Variants in COL23A1 observed in about 807,000 individuals in gnomAD.
COL23A1 encodes collagen alpha-1(XXIII) chain.
In COL23A1, 97 loss-of-function variants were observed where a neutral mutation model predicts 99.3. That is an observed-to-expected ratio of 0.98 (90% CI 0.83 to 1.16). The LOEUF (loss-of-function observed/expected upper bound fraction) is 1.16, where lower values mean the gene tolerates loss of function less well. COL23A1 is among the 50% of genes most tolerant of loss of function. The pLI is 0.00. For missense variants in COL23A1, 762 were observed against 757.4 expected (o/e 1.01, Z -0.07); for synonymous variants, 320 against 308.2 (o/e 1.04, Z -0.40).
rs567224864 is a variant in COL23A1 at position 178,310,554 on chromosome 5, G to C, written c.362-3635C>G. 2.0e-5 allele frequency among the ~76,000 whole-genome samples: 3 copies of C among 152,332 alleles called. No homozygotes were observed. Among genetic ancestry groups the C allele is most frequent in the South Asian group, 4.1e-4 (2 of 4,830 alleles). On this transcript the variant is annotated intron_variant, in intron 2 of 28. Coordinates refer to ENST00000390654, the MANE Select transcript of COL23A1 (RefSeq NM_173465.4). The surrounding 1 kb of genome is among the most constrained non-coding windows in gnomAD (Gnocchi z 4.3). ...GGGCCCACCTAAGGCTGTGTTGCTAGAGCCTCCTGGAGCCCTTCATAGTCT... is the reference window on the plus strand; with the variant it reads ...GGGCCCACCTAAGGCTGTGTTGCTACAGCCTCCTGGAGCCCTTCATAGTCT...
chr5:178,520,316 C>A (rs1031284253), intron 2 of COL23A1, among the ~76,000 whole-genome samples: 6 of 152,210 alleles, frequency 3.9e-5, no homozygotes, highest in African/African-American at 1.4e-4. Flanking sequence ...TCATTGGTTC[C>A]CCAACTGTAC....
intron 24 of COL23A1, 86 bp from the exon 25 acceptor site, chr5:178,246,054 C>A: frequency 6.6e-7 from 1 of 1,510,888 alleles, no homozygotes; most frequent in Non-Finnish European, 9.2e-7. Flanking sequence ...TGTGGGTTGG[C>A]CACAGACATG....
chr5:178,457,068 C>T (rs1382875721), intron 2 of COL23A1, among the ~76,000 whole-genome samples: 1 of 152,154 alleles, frequency 6.6e-6, no homozygotes, highest in Non-Finnish European at 1.5e-5. Context: ...CCATGCACAC[C>T]TTGTTCCAAA....
chr5:178,261,182 G>A (rs1234935652), intron 11 of COL23A1, among the ~76,000 whole-genome samples: 4 of 152,292 alleles, frequency 2.6e-5, no homozygotes, highest in Non-Finnish European at 5.9e-5. Flanking sequence ...GGAGGCTGAG[G>A]TGGGAGGATA....
intron 2 of COL23A1, among the ~76,000 whole-genome samples, chr5:178,413,706 T>C (rs552422149): frequency 2.0e-5 from 3 of 152,304 alleles, no homozygotes; most frequent in South Asian, 2.1e-4. Flanking sequence ...TTGGGGTAAC[T>C]GGGAAGGTCT....
chr5:178,253,217 C>T (rs1333641846), intron 16 of COL23A1, among the ~76,000 whole-genome samples: 8 of 152,090 alleles, frequency 5.3e-5, no homozygotes, highest in Non-Finnish European at 8.8e-5. Context: ...TCCTCCCCTC[C>T]CTTCTGAAAA....
At chr5:178,319,419 A>G (rs1759161926) in intron 2 of COL23A1, among the ~76,000 whole-genome samples, 2 of 152,124 alleles carry the variant, frequency 1.3e-5, no homozygotes, top group Non-Finnish European at 2.9e-5. Flanking sequence ...TAAACTTAAA[A>G]GGTCATTCGT....
intron 2 of COL23A1, among the ~76,000 whole-genome samples, chr5:178,551,354 T>C (rs908073678): frequency 4.6e-5 from 7 of 152,046 alleles, no homozygotes; most frequent in South Asian, 2.1e-4. Flanking sequence ...CATTTTATAA[T>C]TGATAGACTC....
chr5:178,467,369 C>T (rs1361346042), intron 2 of COL23A1, among the ~76,000 whole-genome samples: 4 of 152,212 alleles, frequency 2.6e-5, no homozygotes, highest in Non-Finnish European at 1.5e-5. Flanking sequence ...GACAAACGCT[C>T]CCTGACTCTG....
At chr5:178,578,081 A>G (rs1763475969) in intron 1 of COL23A1, among the ~76,000 whole-genome samples, 1 of 151,358 alleles carries the variant, frequency 6.6e-6, no homozygotes, top group Admixed American at 6.6e-5. Context: ...ACACTCATGC[A>G]CACACACATG....
chr5:178,397,985 CAA>C (rs972050110), intron 2 of COL23A1, among the ~76,000 whole-genome samples: 4 of 142,242 alleles, frequency 2.8e-5, no homozygotes. Context: ...GACTTCATGT[CAA>C]AAAAAAAAAA....
intron 2 of COL23A1, among the ~76,000 whole-genome samples, chr5:178,435,025 C>T (rs977061494): frequency 2.0e-5 from 3 of 152,340 alleles, no homozygotes; most frequent in South Asian, 2.1e-4. Flanking sequence ...CAGCCAGCAC[C>T]GGATGCAGGC....
In COL23A1 at chr5:178,313,834, G is replaced by C. The variant is rs912667910; in HGVS notation, c.362-6915C>G. ...TGGGGCTTCAGGGCCATCAGGGGGT[G>C]CACCTTGAGCAGAGAAGGCAAGCGA... On this transcript the variant is annotated intron_variant, in intron 2 of 28. Coordinates refer to ENST00000390654, the MANE Select transcript of COL23A1 (RefSeq NM_173465.4). This position sits in a 1 kb window ranked among gnomAD's most constrained non-coding sequence, Gnocchi z 4.2. Among the ~76,000 whole-genome samples the C allele has an allele frequency of 9.2e-5, 14 of 152,128 alleles. No homozygotes were observed. Among genetic ancestry groups the C allele is most frequent in the African/African-American group, 3.4e-4 (14 of 41,404 alleles).
intron 2 of COL23A1, among the ~76,000 whole-genome samples, chr5:178,519,168 G>T (rs1204422756): frequency 6.6e-6 from 1 of 152,228 alleles, no homozygotes; most frequent in East Asian, 1.9e-4. Context: ...CTTGTAGTCT[G>T]CAGTCCTTTT....
At chr5:178,285,089 T>G (rs1465180679) in intron 5 of COL23A1, among the ~76,000 whole-genome samples, 1 of 152,214 alleles carries the variant, frequency 6.6e-6, no homozygotes, top group East Asian at 1.9e-4. Flanking sequence ...ACGGAGGGCA[T>G]GGACAGGGCG....
At chr5:178,268,340 T>C (rs1040555405) in intron 7 of COL23A1, among the ~76,000 whole-genome samples, 1 of 152,206 alleles carries the variant, frequency 6.6e-6, no homozygotes, top group African/African-American at 2.4e-5. Flanking sequence ...CAGAGATAGC[T>C]GTCCGCCTTG....
At chr5:178,534,972 CTTTTTTT>C (rs35460582) in intron 2 of COL23A1, among the ~76,000 whole-genome samples, 1 of 130,090 alleles carries the variant, frequency 7.7e-6, no homozygotes, top group Non-Finnish European at 1.6e-5. Flanking sequence ...TTTCCTTTTT[CTTTTTTT>C]TTTTTTTTTG....
chr5:178,516,291 C>A (rs1463887990), intron 2 of COL23A1, among the ~76,000 whole-genome samples: 1 of 152,242 alleles, frequency 6.6e-6, no homozygotes, highest in East Asian at 1.9e-4. Context: ...TACCCAGAGG[C>A]TGAGCAGGCT....
intron 12 of COL23A1, among the ~76,000 whole-genome samples, chr5:178,258,887 G>A (rs1475740186): frequency 1.3e-5 from 2 of 151,114 alleles, no homozygotes; most frequent in African/African-American, 4.9e-5. Context: ...GTAGAGATGA[G>A]GTCTTGGTGT....
Sources: gnomAD v4.1 joint callset for allele counts (sites outside exome capture counted in the v4.1 genomes callset) on GRCh38, gnomAD v4.1.1 for gene constraint, Gnocchi (gnomAD v3.1) non-coding constraint, MANE v1.5 for transcripts, NCBI Gene and HGNC (gene_info 2026-07-23, HGNC 2026-07-21) for gene names.